The following PPM1E variants were observed in gnomAD, a reference collection of about 807,000 sequenced individuals.
PPM1E encodes the protein protein phosphatase 1E.
A neutral mutation model predicts 65.9 loss-of-function variants in PPM1E; 20 were observed. That is an observed-to-expected ratio of 0.30 (90% confidence interval 0.21 to 0.44). The LOEUF (loss-of-function observed/expected upper bound fraction) is 0.44. Among genes scored for constraint, PPM1E ranks in the 20% least tolerant of loss-of-function variants. The probability of loss-of-function intolerance (pLI) is 1.00; values close to 1 mark genes in which losing one functional copy is unlikely to be tolerated. For synonymous variants in PPM1E, 352 were observed against 374.9 expected, an observed-to-expected ratio of 0.94 and a Z score of 0.70; for missense variants, 713 against 953.1, an observed-to-expected ratio of 0.75 and a Z score of 3.32.
chr17:58,845,261 A>G (rs2050759231), intron 1 of PPM1E, among the ~76,000 whole-genome samples: 1 of 148,560 alleles, frequency 6.7e-6, no homozygotes, highest in South Asian at 2.1e-4. Context: ...ACTTTTACAG[A>G]TTCATTCCTC....
intron 1 of PPM1E, among the ~76,000 whole-genome samples, chr17:58,924,724 C>A (rs532025766): frequency 3.5e-4 from 53 of 151,674 alleles, no homozygotes; most frequent in African/African-American, 1.3e-3. Context: ...CTTTCCTTCC[C>A]CTTGCCCCCC....
chr17:58,847,032 AT>A (rs1409244146), intron 1 of PPM1E, among the ~76,000 whole-genome samples: 1 of 151,874 alleles, frequency 6.6e-6, no homozygotes, highest in Non-Finnish European at 1.5e-5. Context: ...GATGTTGAGC[AT>A]TTTTTCATGT....
At chr17:58,928,357 A>G in intron 1 of PPM1E, among the ~76,000 whole-genome samples, 1 of 152,044 alleles carries the variant, frequency 6.6e-6, no homozygotes, top group South Asian at 2.1e-4. Flanking sequence ...GATATTTGAA[A>G]GAAATTATTA....
chr17:58,849,778 T>A (rs1001953302), intron 1 of PPM1E, among the ~76,000 whole-genome samples: 1 of 152,168 alleles, frequency 6.6e-6, no homozygotes, highest in Non-Finnish European at 1.5e-5. Context: ...TCTGCAGATG[T>A]CTATTAGGTC....
At chr17:58,950,557 T>G (rs922870486) in intron 1 of PPM1E, among the ~76,000 whole-genome samples, 2 of 152,186 alleles carry the variant, frequency 1.3e-5, no homozygotes, top group Non-Finnish European at 2.9e-5. Flanking sequence ...ATGCCCATAA[T>G]GCAATTATTT....
intron 1 of PPM1E, among the ~76,000 whole-genome samples, chr17:58,845,207 G>A (rs925603793): frequency 1.3e-5 from 2 of 151,884 alleles, no homozygotes; most frequent in African/African-American, 2.4e-5. Context: ...AGTATTTTCA[G>A]GAAGGAACCA....
rs1332439415 is a variant in PPM1E at position 58,983,180 on chromosome 17, GC to G, written c.*2150del. 8 of 403,182 alleles carry G rather than the reference GC, an allele frequency of 2.0e-5. 1 individual carries two copies. The highest frequency in any genetic ancestry group is 3.6e-5 in the Non-Finnish European group (8 of 223,178). 25.0% of individuals were successfully genotyped at this position (403,182 alleles called of 1,614,324 possible). A position where few individuals can be genotyped will look rare whatever the true frequency, so the allele number is the denominator to read the frequency against. On this transcript the variant is annotated 3_prime_UTR_variant, in exon 7 of 7. Coordinates refer to ENST00000308249, the MANE Select transcript of PPM1E (RefSeq NM_014906.5). ...TGGATTTTGTAGGTCCGACTACACA[GC>G]AGTGTTAACTCATTTCTCATGCCAT...
intron 2 of PPM1E, among the ~76,000 whole-genome samples, chr17:58,957,684 G>A (rs2029897992): frequency 6.6e-6 from 1 of 151,822 alleles, no homozygotes; most frequent in Non-Finnish European, 1.5e-5. Flanking sequence ...AGTGCCTTTT[G>A]TCTCTCCTCT....
intron 1 of PPM1E, among the ~76,000 whole-genome samples, chr17:58,862,803 C>T (rs552418984): frequency 6.6e-6 from 1 of 152,314 alleles, no homozygotes; most frequent in African/African-American, 2.4e-5. Flanking sequence ...AGAAAGTTGA[C>T]TGTAATTTGG....
intron 1 of PPM1E, among the ~76,000 whole-genome samples, chr17:58,870,678 C>T (rs1170746347): frequency 6.6e-6 from 1 of 152,004 alleles, no homozygotes; most frequent in Non-Finnish European, 1.5e-5. Context: ...TCAAAGGTAC[C>T]CCCATTTTGG....
chr17:58,789,821 T>C (rs1250490158), intron 1 of PPM1E, among the ~76,000 whole-genome samples: 1 of 152,066 alleles, frequency 6.6e-6, no homozygotes, highest in African/African-American at 2.4e-5. Flanking sequence ...CACTGTTGCC[T>C]GTGTCAGACA....
chr17:58,889,320 G>C (rs2051317505), intron 1 of PPM1E, among the ~76,000 whole-genome samples: 1 of 152,054 alleles, frequency 6.6e-6, no homozygotes, highest in Non-Finnish European at 1.5e-5. Context: ...ATCATTTTAG[G>C]CCAGGTGCGG....
At chr17:58,930,237 A>G (rs1179743026) in intron 1 of PPM1E, among the ~76,000 whole-genome samples, 1 of 146,946 alleles carries the variant, frequency 6.8e-6, no homozygotes, top group African/African-American at 2.5e-5. Context: ...CTCTACAATA[A>G]ATTAAATGTA....
rs2031441691 is a variant in PPM1E, at chr17:58,982,848, C to T, written c.*1817C>T. 2 of 1,491,084 alleles carry T rather than the reference C, an allele frequency of 1.3e-6. No homozygotes were observed. The highest frequency in any genetic ancestry group is 1.8e-6 in the Non-Finnish European group (2 of 1,089,274). The allele number at this position is 1,491,084 out of a possible 1,614,324, so 92.4% of individuals were successfully genotyped here. A position where few individuals can be genotyped will look rare whatever the true frequency, so the allele number is the denominator to read the frequency against. On this transcript the variant is annotated 3_prime_UTR_variant, in exon 7 of 7. Transcript: ENST00000308249. ...GGCTTTGCCCCACACATGGTCCTCACTCATATCTGTCACCTTCTGAAGCCT... is the reference window on the plus strand; with the variant it reads ...GGCTTTGCCCCACACATGGTCCTCATTCATATCTGTCACCTTCTGAAGCCT...
At chr17:58,780,180 A>G (rs977059424) in intron 1 of PPM1E, among the ~76,000 whole-genome samples, 1 of 152,250 alleles carries the variant, frequency 6.6e-6, no homozygotes, top group Middle Eastern at 3.2e-3. Flanking sequence ...ATCCTTCAGA[A>G]CATTTATATC....
intron 1 of PPM1E, among the ~76,000 whole-genome samples, chr17:58,812,847 A>T (rs553200670): frequency 1.1e-4 from 16 of 152,284 alleles, no homozygotes; most frequent in African/African-American, 3.8e-4. Context: ...GATTACAGGC[A>T]TGAGCCACCG....
intron 1 of PPM1E, among the ~76,000 whole-genome samples, chr17:58,781,670 G>A (rs746582595): frequency 6.6e-6 from 1 of 151,966 alleles, no homozygotes; most frequent in African/African-American, 2.4e-5. Context: ...CGGAGGCTGA[G>A]GCAGGCGGAT....
Position 58,894,244 on chromosome 17 carries a change from C to T in PPM1E, c.465-61405C>T, listed in dbSNP as rs573069669. On this transcript the variant is annotated intron_variant, in intron 1 of 6. Coordinates refer to ENST00000308249, the MANE Select transcript of PPM1E (RefSeq NM_014906.5). The stretch of plus-strand genomic sequence containing the variant: ...TCAAGCAATTCTCGTGCCGCAGCCT[C>T]CCAAGTAGCTGGGATTAACAGGTTT... Among the ~76,000 whole-genome samples the T allele has an allele frequency of 1.5e-3, 227 of 152,198 alleles. 1 individual carries two copies. Among genetic ancestry groups the T allele is most frequent in the African/African-American group, 5.3e-3 (218 of 41,520 alleles).
chr17:58,926,759 C>G (rs1447161195), intron 1 of PPM1E, among the ~76,000 whole-genome samples: 1 of 152,086 alleles, frequency 6.6e-6, no homozygotes, highest in Non-Finnish European at 1.5e-5. Context: ...TATAACAAAA[C>G]CAATTAGCTA....
Sources: gnomAD v4.1 joint callset for allele counts (sites outside exome capture counted in the v4.1 genomes callset) on GRCh38, gnomAD v4.1.1 for gene constraint, MANE v1.5 for transcripts, NCBI Gene and HGNC (gene_info 2026-07-23, HGNC 2026-07-21) for gene names.